Variants in KIAA1217 observed in about 807,000 individuals in gnomAD.
KIAA1217 encodes KIAA1217, also known as sickle tail protein homolog.
In KIAA1217, 88 loss-of-function variants were observed where a neutral mutation model predicts 163.9. That is an observed-to-expected ratio of 0.54 (90% CI 0.45 to 0.64). The LOEUF is 0.64. KIAA1217 is among the 30% of genes least tolerant of loss of function. KIAA1217 has a pLI of 0.00. For synonymous variants in KIAA1217, 903 were observed against 923.1 expected, an observed-to-expected ratio of 0.98 and a Z score of 0.39; for missense variants, 2,372 against 2,475.0, an observed-to-expected ratio of 0.96 and a Z score of 0.88.
At chr10:23,742,502 G>T (rs1480041102) in intron 1 of KIAA1217, among the ~76,000 whole-genome samples, 2 of 152,180 alleles carry the variant, frequency 1.3e-5, no homozygotes, top group Admixed American at 1.3e-4. Context: ...GAGGGCTTGG[G>T]GAGCTTCCAA....
At chr10:24,189,097 C>G (rs2066586647) in intron 2 of KIAA1217, among the ~76,000 whole-genome samples, 1 of 138,310 alleles carries the variant, frequency 7.2e-6, no homozygotes, top group Non-Finnish European at 1.6e-5. Context: ...CAGAGCGAGA[C>G]TCTGTCTCAA....
At chr10:23,982,718 C>T (rs1159834460) in intron 1 of KIAA1217, among the ~76,000 whole-genome samples, 1 of 151,852 alleles carries the variant, frequency 6.6e-6, no homozygotes, top group Non-Finnish European at 1.5e-5. Flanking sequence ...CACCCGCCAC[C>T]ACACCCAGCT....
At chr10:23,992,111 A>T (rs1162440879) in intron 1 of KIAA1217, among the ~76,000 whole-genome samples, 2 of 152,186 alleles carry the variant, frequency 1.3e-5, no homozygotes, top group Non-Finnish European at 2.9e-5. Context: ...CCATAAAAGA[A>T]TACTCCCCAA....
At chr10:24,307,505 G>A (rs11014014) in intron 2 of KIAA1217, among the ~76,000 whole-genome samples, 8,521 of 151,882 alleles carry the variant, frequency 0.056, 288 homozygotes, top group Non-Finnish European at 0.08. Context: ...GCTGGGCATG[G>A]TAGCTCATGC....
At chr10:23,797,879 A>G (rs917240762) in intron 1 of KIAA1217, among the ~76,000 whole-genome samples, 1 of 152,202 alleles carries the variant, frequency 6.6e-6, no homozygotes, top group African/African-American at 2.4e-5. Context: ...TTCATGCAGA[A>G]GAACATCTGA....
intron 2 of KIAA1217, among the ~76,000 whole-genome samples, chr10:24,104,907 T>C (rs937535335): frequency 6.6e-6 from 1 of 152,240 alleles, no homozygotes; most frequent in African/African-American, 2.4e-5. Flanking sequence ...CCACATTTTA[T>C]TAAGGATGCT....
At chr10:23,899,287 G>T (rs1841853277) in intron 1 of KIAA1217, among the ~76,000 whole-genome samples, 1 of 152,102 alleles carries the variant, frequency 6.6e-6, no homozygotes, top group Admixed American at 6.6e-5. Context: ...CTATATTCCT[G>T]CATGAGAGTT....
At chr10:23,946,043 G>C (rs1360847241) in intron 1 of KIAA1217, among the ~76,000 whole-genome samples, 2 of 152,044 alleles carry the variant, frequency 1.3e-5, no homozygotes, top group East Asian at 3.9e-4. Flanking sequence ...AGTAATTGTG[G>C]TTTTTGCCAT....
At chr10:24,056,845 A>G (rs1441828298) in intron 2 of KIAA1217, among the ~76,000 whole-genome samples, 1 of 152,254 alleles carries the variant, frequency 6.6e-6, no homozygotes, top group Non-Finnish European at 1.5e-5. Flanking sequence ...AACAGATTCT[A>G]GAAATATTGA....
chr10:23,699,497 C>G (rs1564347269), intron 1 of KIAA1217, among the ~76,000 whole-genome samples: 1 of 152,174 alleles, frequency 6.6e-6, no homozygotes, highest in Non-Finnish European at 1.5e-5. Context: ...GTGCTTGCAT[C>G]TGATCACTCC....
At chr10:23,833,479 TA>T (rs1278632576) in intron 1 of KIAA1217, among the ~76,000 whole-genome samples, 2,344 of 124,618 alleles carry the variant, frequency 0.019, 34 homozygotes, top group African/African-American at 0.055. Flanking sequence ...TGAGACTGTC[TA>T]AAAAAAAAAA....
chr10:23,977,179 A>G (rs951285240), intron 1 of KIAA1217, among the ~76,000 whole-genome samples: 3 of 152,180 alleles, frequency 2.0e-5, no homozygotes, highest in Non-Finnish European at 4.4e-5. Flanking sequence ...AAGAATTTTG[A>G]TTTGGTTGTA....
intron 1 of KIAA1217, among the ~76,000 whole-genome samples, chr10:23,703,536 T>C (rs999538890): frequency 6.6e-6 from 1 of 152,200 alleles, no homozygotes; most frequent in Admixed American, 6.5e-5. Flanking sequence ...TTTGAACTGT[T>C]TGCCAATTTC....
chr10:24,215,001 C>T (rs2068632603), intron 1 of KIAA1217, among the ~76,000 whole-genome samples: 2 of 152,194 alleles, frequency 1.3e-5, no homozygotes, highest in African/African-American at 4.8e-5. Context: ...GCCTGCCTGC[C>T]GGACTTGCAG....
At chr10:24,004,247 G>A (rs1204423402) in intron 1 of KIAA1217, among the ~76,000 whole-genome samples, 1 of 152,072 alleles carries the variant, frequency 6.6e-6, no homozygotes, top group Non-Finnish European at 1.5e-5. Flanking sequence ...AAAGTGCTGG[G>A]ATTACAGGCA....
At chr10:24,272,121 C>G (rs1391564571) in intron 2 of KIAA1217, among the ~76,000 whole-genome samples, 1 of 152,098 alleles carries the variant, frequency 6.6e-6, no homozygotes, top group Non-Finnish European at 1.5e-5. Context: ...GCCTTGTTTT[C>G]CCTTCTCTCT....
intron 2 of KIAA1217, among the ~76,000 whole-genome samples, chr10:24,077,141 T>C (rs2061394430): frequency 6.6e-6 from 1 of 152,184 alleles, no homozygotes; most frequent in Admixed American, 6.5e-5. Flanking sequence ...CCTCCCAAAG[T>C]GCTGAGATTA....
At chr10:24,042,246 GT>G (rs71506823) in intron 2 of KIAA1217, 60,922 of 145,916 alleles carry the variant, frequency 0.42, 13,313 homozygotes, top group Non-Finnish European at 0.51. Context: ...GAGTTTTGTT[GT>G]TTTTTTTTTT....
At chr10:24,022,312 T>C (rs1233491220) in intron 2 of KIAA1217, among the ~76,000 whole-genome samples, 1 of 151,742 alleles carries the variant, frequency 6.6e-6, no homozygotes, top group Non-Finnish European at 1.5e-5. Context: ...AACAGTCACT[T>C]CTCTAAAGAA....
Sources: gnomAD v4.1 joint callset for allele counts (sites outside exome capture counted in the v4.1 genomes callset) on GRCh38, gnomAD v4.1.1 for gene constraint, MANE v1.5 for transcripts, NCBI Gene and HGNC (gene_info 2026-07-23, HGNC 2026-07-21) for gene names.